The following ADK variants were observed in gnomAD, a reference collection of about 807,000 sequenced individuals.
ADK encodes the protein adenosine kinase, also known as N6,N6-dimethyladenosine kinase.
ADK carries 24 observed loss-of-function variants against 44.7 expected under a neutral mutation model. That is an observed-to-expected ratio of 0.54 (90% CI 0.39 to 0.76). The LOEUF is 0.76. Among genes scored for constraint, ADK ranks in the 30% least tolerant of loss-of-function variants. The pLI is 0.00. For synonymous variants in ADK, 128 were observed against 142.6 expected, an observed-to-expected ratio of 0.90 and a Z score of 0.73; for missense variants, 321 against 425.1, an observed-to-expected ratio of 0.76 and a Z score of 2.15.
intron 3 of ADK, among the ~76,000 whole-genome samples, chr10:74,236,629 A>G (rs1430170648): frequency 6.6e-6 from 1 of 152,160 alleles, no homozygotes; most frequent in Non-Finnish European, 1.5e-5. Context: ...TCCATAAACC[A>G]CTTATATAGT....
intron 3 of ADK, among the ~76,000 whole-genome samples, chr10:74,283,973 C>T (rs1028007725): frequency 1.3e-5 from 2 of 148,580 alleles, no homozygotes; most frequent in African/African-American, 5.0e-5. Flanking sequence ...AGCCACTGCG[C>T]CCAGCTCGCT....
Position 74,614,782 on chromosome 10 carries a change from T to C in ADK, c.877+14289T>C, listed in dbSNP as rs189581616. Among the ~76,000 whole-genome samples, 287 of 152,304 alleles carry C rather than the reference T, an allele frequency of 1.9e-3. 8 individuals are homozygous for C. Among genetic ancestry groups the C allele is most frequent in the Admixed American group, 0.018 (272 of 15,300 alleles). Reference sequence around the variant, plus strand: ...ATTTCTCCAAGGAACCCTGGTTCCCTTTATTGAAGAATGGTTTTTAGAAAC... The same window carrying C: ...ATTTCTCCAAGGAACCCTGGTTCCCCTTATTGAAGAATGGTTTTTAGAAAC... On this transcript the variant is annotated intron_variant, in intron 9 of 10. Transcript: ENST00000539909.
chr10:74,644,560 G>T (rs913141516), intron 9 of ADK, among the ~76,000 whole-genome samples: 1 of 152,250 alleles, frequency 6.6e-6, no homozygotes, highest in African/African-American at 2.4e-5. Flanking sequence ...TTGAGGCAGG[G>T]TCTTGCTCTG....
Position 74,398,499 on chromosome 10 carries a change from A to G in ADK, c.475A>G (p.Asn159Asp), listed in dbSNP as rs758600648. The G allele has an allele frequency of 3.1e-6, 5 of 1,611,608 alleles. No homozygotes were observed. The highest frequency in any genetic ancestry group is 3.3e-5 in the Admixed American group (2 of 59,958). Residue 159 changes from asparagine (N) to aspartate (D), a missense_variant, in exon 6 of 11, where the codon AAT (asparagine) becomes GAT (aspartate). By Grantham distance (23) the Asn-to-Asp change is conservative. Transcript: ENST00000539909. ...CCTCATAGCTAATCTTGCTGCTGCCAATTGTTATAAAAAGGAAAAACATCT... is the reference window on the plus strand; with the variant it reads ...CCTCATAGCTAATCTTGCTGCTGCCGATTGTTATAAAAAGGAAAAACATCT... Reference protein sequence around the residue: ...RSLIANLAAANCYKKEKHLDL... With the variant: ...RSLIANLAAADCYKKEKHLDL...
intron 8 of ADK, among the ~76,000 whole-genome samples, chr10:74,589,976 A>G (rs1268156405): frequency 4.6e-5 from 7 of 152,172 alleles, no homozygotes; most frequent in South Asian, 2.1e-4. Context: ...TTTTTCTGAT[A>G]TAAGTGTTAT....
intron 3 of ADK, among the ~76,000 whole-genome samples, chr10:74,274,087 T>C (rs775148420): frequency 1.5e-4 from 23 of 152,154 alleles, no homozygotes; most frequent in Non-Finnish European, 3.1e-4. Flanking sequence ...TGGGGGTTAG[T>C]AGTGCTGACC....
At chr10:74,582,540 A>G (rs1015060378) in intron 7 of ADK, among the ~76,000 whole-genome samples, 1 of 152,190 alleles carries the variant, frequency 6.6e-6, no homozygotes, top group Non-Finnish European at 1.5e-5. Flanking sequence ...AAAAGTGGGA[A>G]TGAACAACTC....
intron 7 of ADK, among the ~76,000 whole-genome samples, chr10:74,561,757 G>C (rs1231091009): frequency 6.6e-6 from 1 of 152,184 alleles, no homozygotes. Context: ...TGGAAGTATG[G>C]AGGCTGGCTA....
chr10:74,441,594 C>G (rs1011877735), intron 6 of ADK, among the ~76,000 whole-genome samples: 15 of 151,994 alleles, frequency 9.9e-5, no homozygotes, highest in African/African-American at 3.4e-4. Context: ...AACATAAAAC[C>G]TGAGACCTTA....
At chr10:74,344,262 T>C (rs1383220893) in intron 4 of ADK, among the ~76,000 whole-genome samples, 1 of 152,202 alleles carries the variant, frequency 6.6e-6, no homozygotes, top group Non-Finnish European at 1.5e-5. Flanking sequence ...GTATTAATTT[T>C]TTTAAAAGAA....
intron 6 of ADK, among the ~76,000 whole-genome samples, chr10:74,406,529 G>T (rs7898517): frequency 0.11 from 2,487 of 22,334 alleles, 44 homozygotes; most frequent in Middle Eastern, 0.25. Flanking sequence ...ATAATAATAA[G>T]AAGAAGAAGA....
intron 9 of ADK, 114 bp downstream of exon 9, chr10:74,600,607 A>G (rs916914260): frequency 3.1e-6 from 1 of 319,032 alleles, no homozygotes; most frequent in African/African-American, 2.2e-5. Flanking sequence ...CAATATATAT[A>G]AAATGAAATA....
chr10:74,575,952 A>G (rs750341973), intron 7 of ADK, among the ~76,000 whole-genome samples: 5 of 152,244 alleles, frequency 3.3e-5, no homozygotes, highest in Admixed American at 6.5e-5. Context: ...GTATTATAGG[A>G]TTTATGCATA....
chr10:74,670,147 A>G (rs1855116138), intron 9 of ADK, 36 bp from the exon 10 acceptor site: 1 of 1,524,918 alleles, frequency 6.6e-7, no homozygotes, highest in Non-Finnish European at 9.1e-7. Flanking sequence ...TGTTACAAAG[A>G]GAAGTCATTC....
At chr10:74,308,406 G>A (rs921585098) in intron 3 of ADK, among the ~76,000 whole-genome samples, 6 of 152,046 alleles carry the variant, frequency 3.9e-5, no homozygotes, top group African/African-American at 1.4e-4. Context: ...AAAAATAAAC[G>A]CATGTCGAAA....
chr10:74,474,725 G>A (rs973067936), intron 6 of ADK, among the ~76,000 whole-genome samples: 1 of 152,026 alleles, frequency 6.6e-6, no homozygotes, highest in Non-Finnish European at 1.5e-5. Flanking sequence ...ATTTCACTGT[G>A]TTGCCCAGGC....
intron 9 of ADK, among the ~76,000 whole-genome samples, chr10:74,607,475 C>A (rs1353542771): frequency 2.0e-5 from 3 of 152,164 alleles, no homozygotes; most frequent in Non-Finnish European, 4.4e-5. Context: ...GATTTTATTT[C>A]TCCTTTGCTT....
intron 4 of ADK, among the ~76,000 whole-genome samples, chr10:74,387,327 G>A (rs776692028): frequency 3.9e-5 from 6 of 152,150 alleles, no homozygotes; most frequent in Non-Finnish European, 7.4e-5. Flanking sequence ...GTGATAAAAA[G>A]CAAATCAGTG....
intron 6 of ADK, among the ~76,000 whole-genome samples, chr10:74,441,080 A>ATTTTATGAACACCACCTTAGT (rs1355610370): frequency 2.0e-5 from 3 of 152,192 alleles, no homozygotes; most frequent in Non-Finnish European, 4.4e-5. Context: ...CCACCTTAGT[A>ATTTTATGAACACCACCTTAGT]TTTTATGAAC....
Sources: allele counts gnomAD v4.1 joint callset (sites outside exome capture counted in the v4.1 genomes callset), GRCh38; gene constraint gnomAD v4.1.1; transcripts MANE v1.5; gene names NCBI Gene and HGNC (gene_info 2026-07-23, HGNC 2026-07-21).